Variants in BLTP1 observed in about 807,000 individuals in gnomAD.
BLTP1 encodes the protein bridge-like lipid transfer protein family member 1, also known as fragile site-associated protein.
the BLTP1 span, chr4:122,170,838 T>C: frequency 1.5e-6 from 1 of 677,336 alleles, no homozygotes; most frequent in South Asian, 2.3e-5. Context: ...GTTGGAACAC[T>C]AACACTACCA....
At chr4:122,352,611 C>G in the BLTP1 span, among the ~76,000 whole-genome samples, 1 of 152,016 alleles carries the variant, frequency 6.6e-6, no homozygotes, top group African/African-American at 2.4e-5. Flanking sequence ...CCACCCGCTA[C>G]GGCTTCCAAA....
chr4:122,296,521 C>T, the BLTP1 span, among the ~76,000 whole-genome samples: 4 of 152,130 alleles, frequency 2.6e-5, no homozygotes, highest in Non-Finnish European at 4.4e-5. Flanking sequence ...CAATGTTATT[C>T]CCATTAAACT....
At chr4:122,326,324 A>G in the BLTP1 span, among the ~76,000 whole-genome samples, 1 of 151,788 alleles carries the variant, frequency 6.6e-6, no homozygotes, top group Non-Finnish European at 1.5e-5. Context: ...TCACTGGTGT[A>G]AAAGAACATT....
At chr4:122,194,988 A>T in the BLTP1 span, among the ~76,000 whole-genome samples, 1 of 152,166 alleles carries the variant, frequency 6.6e-6, no homozygotes, top group Admixed American at 6.5e-5. Context: ...CCTCAATTAC[A>T]TGTTCAAAAG....
chr4:122,306,318 T>C, the BLTP1 span, among the ~76,000 whole-genome samples: 1 of 152,142 alleles, frequency 6.6e-6, no homozygotes, highest in Admixed American at 6.6e-5. Context: ...GTTTTGATAA[T>C]TAATGCACCC....
At chr4:122,165,387 A>G in the BLTP1 span, among the ~76,000 whole-genome samples, 3 of 151,026 alleles carry the variant, frequency 2.0e-5, no homozygotes, top group Non-Finnish European at 3.0e-5. Flanking sequence ...CCATGTCCCT[A>G]CAAAGGACAT....
chr4:122,233,527 A>G, the BLTP1 span, among the ~76,000 whole-genome samples: 1 of 152,168 alleles, frequency 6.6e-6, no homozygotes, highest in African/African-American at 2.4e-5. Flanking sequence ...AAGTTCTTTT[A>G]TTTTGATGGT....
the BLTP1 span, chr4:122,211,057 C>T: frequency 1.9e-6 from 3 of 1,612,872 alleles, no homozygotes; most frequent in South Asian, 3.3e-5. Context: ...TCAGATAACT[C>T]TCTATGGACC....
At chr4:122,316,277 A>G in the BLTP1 span, 518 of 400,224 alleles carry the variant, frequency 1.3e-3, 1 homozygote, top group Non-Finnish European at 2.0e-3. Flanking sequence ...TCTTTTAACT[A>G]TTATACCATG....
At chr4:122,174,439 T>C in the BLTP1 span, 3 of 1,425,884 alleles carry the variant, frequency 2.1e-6, no homozygotes, top group Non-Finnish European at 2.8e-6. Context: ...TCAGTAAGGC[T>C]GTAAGGGTAT....
the BLTP1 span, chr4:122,185,356 T>G: frequency 1.0e-6 from 1 of 984,788 alleles, no homozygotes. Context: ...TTTCATTTGG[T>G]AACAAAAGAA....
At chr4:122,182,648 A>G in the BLTP1 span, 2 of 985,416 alleles carry the variant, frequency 2.0e-6, no homozygotes, top group Non-Finnish European at 2.4e-6. Context: ...ACAAATGGGC[A>G]GAACTTTATT....
the BLTP1 span, chr4:122,306,162 T>G: frequency 1.0e-6 from 1 of 998,902 alleles, no homozygotes; most frequent in Non-Finnish European, 1.4e-6. Context: ...TTCCTAAATC[T>G]GAAATGTGTG....
At chr4:122,358,478 C>T in the BLTP1 span, among the ~76,000 whole-genome samples, 5 of 152,310 alleles carry the variant, frequency 3.3e-5, no homozygotes, top group South Asian at 2.1e-4. Flanking sequence ...ACAAGCACTT[C>T]GTTTTGGCCA....
the BLTP1 span, among the ~76,000 whole-genome samples, chr4:122,182,079 A>T: frequency 2.0e-5 from 3 of 152,236 alleles, no homozygotes; most frequent in African/African-American, 7.2e-5. Flanking sequence ...AAATATTCTT[A>T]AATGTTAAGA....
At chr4:122,173,099 T>A in the BLTP1 span, 1 of 1,610,754 alleles carries the variant, frequency 6.2e-7, no homozygotes, top group Non-Finnish European at 8.5e-7. Context: ...AATGTTGGTC[T>A]TATTTTAACA....
the BLTP1 span, among the ~76,000 whole-genome samples, chr4:122,294,205 CT>C: frequency 4.1e-4 from 63 of 152,332 alleles, no homozygotes; most frequent in African/African-American, 1.4e-3. Context: ...TCCCGGTGGT[CT>C]GGATGAGGGG....
At chr4:122,166,049 T>C in the BLTP1 span, among the ~76,000 whole-genome samples, 13 of 152,254 alleles carry the variant, frequency 8.5e-5, no homozygotes, top group South Asian at 1.4e-3. Context: ...TGGTAGTTTC[T>C]TTTGCTGTGC....
At chr4:122,199,477 C>A in the BLTP1 span, 29 of 1,539,836 alleles carry the variant, frequency 1.9e-5, no homozygotes, top group Middle Eastern at 1.7e-4. Context: ...TGATGATATA[C>A]ATACTTGTAT....
Sources: allele counts gnomAD v4.1 joint callset (sites outside exome capture counted in the v4.1 genomes callset), GRCh38; gene constraint gnomAD v4.1.1; transcripts MANE v1.5; gene names NCBI Gene and HGNC (gene_info 2026-07-23, HGNC 2026-07-21).